The following SEMA3E variants were observed in gnomAD, a reference collection of about 807,000 sequenced individuals.
SEMA3E encodes semaphorin 3E.
SEMA3E carries 49 observed loss-of-function variants against 93.6 expected under a neutral mutation model. The observed-to-expected ratio is 0.52, with a 90% CI of 0.42 to 0.66. SEMA3E has a LOEUF of 0.66. Among genes scored for constraint, SEMA3E ranks in the 30% least tolerant of loss-of-function variants. The probability of loss-of-function intolerance (pLI) is 0.00; values close to 1 mark genes in which losing one functional copy is unlikely to be tolerated. For synonymous variants in SEMA3E, 363 were observed against 330.7 expected (o/e 1.10, Z -1.06); for missense variants, 906 against 964.8 (o/e 0.94, Z 0.81).
At chr7:83,554,584 T>A (rs1562830598) in intron 1 of SEMA3E, among the ~76,000 whole-genome samples, 3 of 152,092 alleles carry the variant, frequency 2.0e-5, no homozygotes, top group Non-Finnish European at 4.4e-5. Context: ...AGTTTCCAAA[T>A]GTAGTAATGT....
intron 11 of SEMA3E, among the ~76,000 whole-genome samples, chr7:83,397,245 A>G (rs1010947110): frequency 3.9e-5 from 6 of 151,996 alleles, no homozygotes; most frequent in African/African-American, 1.2e-4. Context: ...GAGAGGAAAT[A>G]ATGATTTTTT....
intron 4 of SEMA3E, 112 bp downstream of exon 4, chr7:83,466,370 G>T (rs1169622483): frequency 3.9e-6 from 5 of 1,278,870 alleles, no homozygotes; most frequent in Non-Finnish European, 4.5e-6. Flanking sequence ...AACTGATTCA[G>T]TACATCGCAA....
At chr7:83,369,159 C>T (rs944041048) in intron 16 of SEMA3E, among the ~76,000 whole-genome samples, 1 of 152,108 alleles carries the variant, frequency 6.6e-6, no homozygotes, top group Non-Finnish European at 1.5e-5. Context: ...ACAGATTTCA[C>T]CTTTGAGAAT....
intron 4 of SEMA3E, among the ~76,000 whole-genome samples, chr7:83,462,530 C>A (rs62460821): frequency 0.1 from 15,609 of 152,018 alleles, 977 homozygotes; most frequent in Non-Finnish European, 0.14. Flanking sequence ...ACATCCTCCC[C>A]TTGTATCTCC....
At chr7:83,544,367 T>C (rs1417961807) in intron 1 of SEMA3E, among the ~76,000 whole-genome samples, 1 of 152,088 alleles carries the variant, frequency 6.6e-6, no homozygotes, top group Non-Finnish European at 1.5e-5. Flanking sequence ...CGAGCAGCTA[T>C]GCCTATAAAT....
intron 1 of SEMA3E, among the ~76,000 whole-genome samples, chr7:83,525,658 T>C (rs1445155981): frequency 2.0e-5 from 3 of 152,072 alleles, no homozygotes; most frequent in Non-Finnish European, 4.4e-5. Context: ...TATTTTCTGC[T>C]CATTTTTAAA....
chr7:83,406,018 G>A lies in SEMA3E; in HGVS notation c.855C>T (p.Ser285=), dbSNP rs373335532. The stretch of plus-strand genomic sequence containing the variant: ...AAACGAGTCTCGCTTTTAGGAAAGT[G>A]CTCCACTTATTCACCAGTATTCTCT... The part of the protein sequence containing the change: ...GGQRILVNKW[S]TFLKARLVCS... The change falls in exon 8 of 17, where the codon AGC becomes AGT. Residue 285 remains serine (S), a synonymous_variant. Transcript: ENST00000643230. 1.2e-5 allele frequency: 20 copies of A among 1,613,100 alleles called. No homozygotes were observed. Among genetic ancestry groups the A allele is most frequent in the Non-Finnish European group, 1.7e-5 (20 of 1,179,438 alleles).
At chr7:83,516,945 T>TTATA (rs369210004) in intron 1 of SEMA3E, among the ~76,000 whole-genome samples, 166 of 148,552 alleles carry the variant, frequency 1.1e-3, no homozygotes, top group South Asian at 2.8e-3. Context: ...TAGCATATAT[T>TTATA]TATATATATA....
chr7:83,540,621 T>A (rs1353315035), intron 1 of SEMA3E, among the ~76,000 whole-genome samples: 4 of 152,158 alleles, frequency 2.6e-5, no homozygotes, highest in Non-Finnish European at 2.9e-5. Flanking sequence ...TTACTTAAAG[T>A]AGTACTTCTC....
intron 16 of SEMA3E, chr7:83,372,020 G>T (rs59951435): frequency 0.03 from 10,679 of 360,512 alleles, 1,005 homozygotes; most frequent in African/African-American, 0.2. Flanking sequence ...AAAGGGCAAA[G>T]ACCTATTTCT....
chr7:83,418,487 G>A lies in SEMA3E; in HGVS notation c.457-4C>T, dbSNP rs759241020. On this transcript the variant is annotated splice_polypyrimidine_tract_variant and splice_region_variant and intron_variant, in intron 4 of 16. Transcript: ENST00000643230. Reference sequence around the variant, plus strand: ...ATTCCAGGTGAAACAGAGGATCCTTGAAAGAAAACCAGAAAAATCATTATG... The same window carrying A: ...ATTCCAGGTGAAACAGAGGATCCTTAAAAGAAAACCAGAAAAATCATTATG... The A allele has an allele frequency of 2.5e-6, 4 of 1,601,534 alleles. No individual in the cohort carries two copies. Among genetic ancestry groups the A allele is most frequent in the Non-Finnish European group, 2.6e-6 (3 of 1,170,726 alleles).
intron 4 of SEMA3E, among the ~76,000 whole-genome samples, chr7:83,438,788 G>A (rs1201577199): frequency 1.3e-5 from 2 of 151,906 alleles, no homozygotes; most frequent in East Asian, 1.9e-4. Context: ...AAGATAAATA[G>A]GAGAATGCTA....
Position 83,469,110 on chromosome 7 carries a change from A to G in SEMA3E, c.336+133T>C, listed in dbSNP as rs1311686689. ...ACATAATTATGTTTTATATGCCTAT[A>G]TATTTTTTCTTCATGAACCAAATTG... On this transcript the variant is annotated intron_variant, in intron 3 of 16. Transcript: ENST00000643230. The G allele has an allele frequency of 6.2e-6, 4 of 648,078 alleles. No homozygotes were observed. The African/African-American group carries it at 7.6e-5, about 12-fold the overall frequency. The allele number at this position is 648,078 out of a possible 1,614,324, so 40.1% of individuals were successfully genotyped here.
chr7:83,457,297 A>G (rs1183434338), intron 4 of SEMA3E, among the ~76,000 whole-genome samples: 1 of 152,196 alleles, frequency 6.6e-6, no homozygotes, highest in Non-Finnish European at 1.5e-5. Context: ...AATTCAGTCT[A>G]TTCTGAGAAC....
chr7:83,374,005 G>A lies in SEMA3E; in HGVS notation c.1876-5967C>T, dbSNP rs192093915. ...GCAGATCACCTGAGGTTGGGAGTTC[G>A]AGACCAGCATGACCAACATGCAGAA... On this transcript the variant is annotated intron_variant, in intron 16 of 16. Transcript: ENST00000643230. Among the ~76,000 whole-genome samples the A allele has an allele frequency of 2.5e-4, 38 of 152,034 alleles. 1 individual carries two copies. The highest frequency in any genetic ancestry group is 1.3e-3 in the Admixed American group (20 of 15,248).
chr7:83,395,296 T>G (rs777934409), intron 12 of SEMA3E, among the ~76,000 whole-genome samples: 1 of 152,108 alleles, frequency 6.6e-6, no homozygotes, highest in Non-Finnish European at 1.5e-5. Flanking sequence ...AGTGGTTAGC[T>G]TTGAGTGTGG....
In SEMA3E at chr7:83,580,979, G is replaced by A. The variant is rs544701860; in HGVS notation, c.115+67449C>T. On this transcript the variant is annotated intron_variant, in intron 1 of 16. Coordinates refer to ENST00000643230, the MANE Select transcript of SEMA3E (RefSeq NM_012431.3). ...TTATATTCCCTAGATGATGAACTAG[G>A]ACTTTAAAAACAAGGGTAAATTAAT... Among the ~76,000 whole-genome samples, 4 of 151,850 alleles carry A rather than the reference G, an allele frequency of 2.6e-5. No homozygotes were observed. The South Asian group carries it at 8.3e-4, about 32-fold the overall frequency.
chr7:83,375,611 T>C (rs1172912614), intron 16 of SEMA3E, among the ~76,000 whole-genome samples: 8 of 152,014 alleles, frequency 5.3e-5, no homozygotes, highest in Admixed American at 2.0e-4. Flanking sequence ...GTGAAAGGAA[T>C]TGGTATTTTG....
chr7:83,418,777 A>G (rs1442998621), intron 4 of SEMA3E, among the ~76,000 whole-genome samples: 1 of 152,178 alleles, frequency 6.6e-6, no homozygotes, highest in Non-Finnish European at 1.5e-5. Context: ...TGTCAATGAA[A>G]TATTTGAAAG....
Sources: allele counts gnomAD v4.1 joint callset (sites outside exome capture counted in the v4.1 genomes callset), GRCh38; gene constraint gnomAD v4.1.1; transcripts MANE v1.5; gene names NCBI Gene and HGNC (gene_info 2026-07-23, HGNC 2026-07-21).